Variants in COL25A1 observed in about 807,000 individuals in gnomAD.
COL25A1 encodes the protein collagen alpha-1(XXV) chain.
A neutral mutation model predicts 128.4 loss-of-function variants in COL25A1; 103 were observed. The observed-to-expected ratio is 0.80, with a 90% CI of 0.68 to 0.94. COL25A1 has a LOEUF of 0.94. COL25A1 is among the 40% of genes least tolerant of loss of function. COL25A1 has a pLI of 0.00. For missense variants in COL25A1, 745 were observed against 840.0 expected (o/e 0.89, Z 1.40); for synonymous variants, 279 against 277.2 (o/e 1.01, Z -0.06).
intron 3 of COL25A1, among the ~76,000 whole-genome samples, chr4:109,278,313 C>T (rs1042750314): frequency 6.6e-6 from 1 of 152,070 alleles, no homozygotes; most frequent in Non-Finnish European, 1.5e-5. Context: ...TGATTATATC[C>T]TTTGTCTGGC....
At chr4:109,185,433 A>G (rs1378304661) in intron 3 of COL25A1, among the ~76,000 whole-genome samples, 1 of 152,218 alleles carries the variant, frequency 6.6e-6, no homozygotes, top group Non-Finnish European at 1.5e-5. Flanking sequence ...ATGGATAATC[A>G]GTCAGTAGAT....
intron 31 of COL25A1, chr4:108,834,444 C>A (rs1733533884): frequency 6.8e-7 from 1 of 1,479,902 alleles, no homozygotes; most frequent in African/African-American, 1.4e-5. Flanking sequence ...ATGACAAGAA[C>A]AGAGATTAGT....
At chr4:109,036,828 C>T (rs576642282) in intron 5 of COL25A1, among the ~76,000 whole-genome samples, 50 of 152,166 alleles carry the variant, frequency 3.3e-4, no homozygotes, top group Non-Finnish European at 6.9e-4. Context: ...CTCTCTAATC[C>T]ACTCTTTCAA....
chr4:108,820,449 A>G (rs1257377210), intron 35 of COL25A1, among the ~76,000 whole-genome samples: 2 of 152,262 alleles, frequency 1.3e-5, no homozygotes, highest in African/African-American at 4.8e-5. Context: ...AATATTCAAT[A>G]TCTTAAAATA....
chr4:109,241,459 C>A (rs956695572), intron 3 of COL25A1, among the ~76,000 whole-genome samples: 6 of 151,840 alleles, frequency 4.0e-5, no homozygotes, highest in African/African-American at 1.5e-4. Flanking sequence ...TAATCAAGAT[C>A]TATTGCTAAA....
At chr4:109,204,123 T>C (rs1776793857) in intron 3 of COL25A1, among the ~76,000 whole-genome samples, 1 of 152,158 alleles carries the variant, frequency 6.6e-6, no homozygotes, top group Non-Finnish European at 1.5e-5. Flanking sequence ...TGATTTCAAG[T>C]TGTTGCTTCT....
intron 6 of COL25A1, among the ~76,000 whole-genome samples, chr4:108,982,811 T>A (rs1158881118): frequency 1.3e-5 from 2 of 152,148 alleles, no homozygotes; most frequent in Non-Finnish European, 2.9e-5. Flanking sequence ...CACAGTAAGA[T>A]CATAACTATA....
At chr4:109,211,446 CT>C (rs1777554685) in intron 3 of COL25A1, among the ~76,000 whole-genome samples, 1 of 149,114 alleles carries the variant, frequency 6.7e-6, no homozygotes, top group African/African-American at 2.5e-5. Flanking sequence ...CACTCTGAGC[CT>C]TCCTTAATGT....
chr4:109,171,847 C>T (rs1773621543), intron 3 of COL25A1, among the ~76,000 whole-genome samples: 1 of 152,194 alleles, frequency 6.6e-6, no homozygotes, highest in South Asian at 2.1e-4. Flanking sequence ...CCTCTAGTCC[C>T]TTGACTGTGC....
intron 3 of COL25A1, among the ~76,000 whole-genome samples, chr4:109,179,913 T>C (rs373143470): frequency 7.2e-5 from 11 of 152,244 alleles, no homozygotes; most frequent in African/African-American, 2.4e-4. Context: ...CAGCCTATTA[T>C]GAAGAGATTT....
intron 24 of COL25A1, among the ~76,000 whole-genome samples, chr4:108,858,863 T>C (rs184139764): frequency 2.6e-5 from 4 of 152,226 alleles, no homozygotes; most frequent in African/African-American, 9.6e-5. Flanking sequence ...AAAAAAAAGT[T>C]TCAAAGGAAG....
At position 109,070,934 on chromosome 4, in the gene COL25A1, A is replaced by G. The variant is rs190973861; in HGVS notation, c.368-20755T>C. ...CCACATTTTCTTAATCCAGCCTATC[A>G]TTGATGGACATTTGGGTTGATTCCA... On this transcript the variant is annotated intron_variant, in intron 3 of 37. Coordinates refer to ENST00000399132, the MANE Select transcript of COL25A1 (RefSeq NM_198721.4). Among the ~76,000 whole-genome samples the G allele has an allele frequency of 1.9e-3, 288 of 152,156 alleles. 1 individual carries two copies. The highest frequency in any genetic ancestry group is 6.7e-3 in the African/African-American group (278 of 41,526).
At chr4:109,164,120 C>T (rs893166122) in intron 3 of COL25A1, among the ~76,000 whole-genome samples, 21 of 151,892 alleles carry the variant, frequency 1.4e-4, no homozygotes, top group African/African-American at 4.6e-4. Flanking sequence ...CTCTTGGGCA[C>T]ACAATGGAAT....
intron 13 of COL25A1, among the ~76,000 whole-genome samples, chr4:108,904,945 A>T (rs1743297484): frequency 6.6e-6 from 1 of 152,076 alleles, no homozygotes. Flanking sequence ...TAGAACTCTA[A>T]TGTAAAACAT....
intron 24 of COL25A1, among the ~76,000 whole-genome samples, chr4:108,856,835 T>C (rs1468770511): frequency 6.6e-6 from 1 of 152,122 alleles, no homozygotes; most frequent in Non-Finnish European, 1.5e-5. Flanking sequence ...TTTAGGCATA[T>C]CAGTAAAAAG....
intron 6 of COL25A1, among the ~76,000 whole-genome samples, chr4:108,996,583 G>C (rs192403504): frequency 1.3e-5 from 2 of 152,236 alleles, no homozygotes; most frequent in Admixed American, 1.3e-4. Flanking sequence ...GGTTAACAAG[G>C]ATACCCAGGA....
chr4:108,944,189 A>G (rs1471107415), intron 8 of COL25A1, among the ~76,000 whole-genome samples: 1 of 152,192 alleles, frequency 6.6e-6, no homozygotes, highest in Non-Finnish European at 1.5e-5. Context: ...TGATAAGGCT[A>G]TTAAGTGGCT....
intron 5 of COL25A1, among the ~76,000 whole-genome samples, chr4:109,035,124 T>C (rs1241041009): frequency 6.6e-6 from 1 of 152,314 alleles, no homozygotes; most frequent in East Asian, 1.9e-4. Flanking sequence ...AGTATCCTTT[T>C]TCAAGAGATT....
rs756928692 is a variant in COL25A1, at chr4:108,940,602, T to G, written c.609A>C (p.Pro203=). The G allele has an allele frequency of 6.2e-7, 1 of 1,611,558 alleles. No homozygotes were observed. Among genetic ancestry groups the G allele is most frequent in the East Asian group, 2.2e-5 (1 of 44,856 alleles). Reference sequence around the variant, plus strand: ...TGTCCCCAGGTGGCCCTCTTGGGCCTGGAGGGCCAGGGGGTCCTGGAGGCC... The same window carrying G: ...TGTCCCCAGGTGGCCCTCTTGGGCCGGGAGGGCCAGGGGGTCCTGGAGGCC... ...QAGPPGPPGP[P]GPRGPPGDTG... is the part of the protein sequence containing the mutation. Residue 203 remains proline (P), a synonymous_variant, in exon 10 of 38, where the codon CCA becomes CCC. Coordinates refer to ENST00000399132, the MANE Select transcript of COL25A1 (RefSeq NM_198721.4).
Sources: allele counts gnomAD v4.1 joint callset (sites outside exome capture counted in the v4.1 genomes callset), GRCh38; gene constraint gnomAD v4.1.1; transcripts MANE v1.5; gene names NCBI Gene and HGNC (gene_info 2026-07-23, HGNC 2026-07-21).